The following STEAP1B variants were observed in gnomAD, a reference collection of about 807,000 sequenced individuals.
The protein encoded by STEAP1B is STEAP family member 1B.
STEAP1B carries 13 observed loss-of-function variants against 27.9 expected under a neutral mutation model. That is an observed-to-expected ratio of 0.47 (90% CI 0.30 to 0.74). The LOEUF is 0.74. STEAP1B is among the 30% of genes least tolerant of loss of function. STEAP1B has a pLI of 0.06. For missense variants in STEAP1B, 250 were observed against 298.7 expected, an observed-to-expected ratio of 0.84 and a Z score of 1.20; for synonymous variants, 86 against 107.1, an observed-to-expected ratio of 0.80 and a Z score of 1.22.
chr7:22,434,819 T>A (rs952608374), intron 4 of STEAP1B, among the ~76,000 whole-genome samples: 2 of 152,222 alleles, frequency 1.3e-5, no homozygotes, highest in Admixed American at 6.5e-5. Context: ...CAAGGAATAA[T>A]AAATAGTCAA....
chr7:22,421,893 G>A (rs547363516), intron 4 of STEAP1B, among the ~76,000 whole-genome samples: 1 of 152,264 alleles, frequency 6.6e-6, no homozygotes, highest in Admixed American at 6.5e-5. Flanking sequence ...ACCCCACTTT[G>A]TTACTAGAAC....
intron 4 of STEAP1B, among the ~76,000 whole-genome samples, chr7:22,451,891 T>C (rs1490006759): frequency 6.6e-6 from 1 of 152,236 alleles, no homozygotes; most frequent in African/African-American, 2.4e-5. Context: ...ATCAGAGTAA[T>C]ACTGGCCTCT....
chr7:22,423,407 G>A (rs989460825), intron 4 of STEAP1B, among the ~76,000 whole-genome samples: 15 of 152,124 alleles, frequency 9.9e-5, no homozygotes, highest in Non-Finnish European at 1.3e-4. Flanking sequence ...TGGCACATCC[G>A]TCAGTGGACA....
intron 4 of STEAP1B, among the ~76,000 whole-genome samples, chr7:22,452,529 G>C (rs953660203): frequency 1.3e-5 from 2 of 152,084 alleles, no homozygotes; most frequent in Non-Finnish European, 2.9e-5. Context: ...AAGACAAAAA[G>C]GACGGTTTGG....
chr7:22,454,349 GC>G (rs1785536507), intron 4 of STEAP1B, among the ~76,000 whole-genome samples: 1 of 151,968 alleles, frequency 6.6e-6, no homozygotes, highest in Non-Finnish European at 1.5e-5. Flanking sequence ...GCCATTGTTC[GC>G]CGAATAATAG....
At chr7:22,483,272 A>G (rs1285048413) in intron 4 of STEAP1B, among the ~76,000 whole-genome samples, 1 of 152,230 alleles carries the variant, frequency 6.6e-6, no homozygotes, top group African/African-American at 2.4e-5. Context: ...AAAAGAAAAA[A>G]AAAATCGCCA....
intron 4 of STEAP1B, among the ~76,000 whole-genome samples, chr7:22,439,402 C>T (rs939370007): frequency 6.6e-6 from 1 of 152,132 alleles, no homozygotes; most frequent in African/African-American, 2.4e-5. Context: ...AATCCTGATA[C>T]TTCAGATTAT....
intron 4 of STEAP1B, among the ~76,000 whole-genome samples, chr7:22,428,725 C>T (rs1039691204): frequency 4.6e-5 from 7 of 152,070 alleles, no homozygotes; most frequent in Admixed American, 2.6e-4. Context: ...ATCACTTAAA[C>T]TCGGGAGGGG....
intron 4 of STEAP1B, among the ~76,000 whole-genome samples, chr7:22,472,735 C>G (rs1420547590): frequency 2.6e-5 from 4 of 152,142 alleles, no homozygotes; most frequent in African/African-American, 9.7e-5. Context: ...TGCACCTACC[C>G]CTCTCCCAGC....
At chr7:22,476,668 A>C (rs79921061) in intron 4 of STEAP1B, among the ~76,000 whole-genome samples, 13,375 of 152,218 alleles carry the variant, frequency 0.088, 685 homozygotes, top group Non-Finnish European at 0.12. Context: ...ATTCAGGTGC[A>C]TCTGCCATAC....
intron 4 of STEAP1B, among the ~76,000 whole-genome samples, chr7:22,435,515 T>A (rs1382963325): frequency 6.6e-6 from 1 of 152,078 alleles, no homozygotes; most frequent in Non-Finnish European, 1.5e-5. Context: ...ATCAGTAAAT[T>A]TTTTCTGAAC....
chr7:22,420,412 C>A (rs1458790048), intron 4 of STEAP1B, among the ~76,000 whole-genome samples: 1 of 152,190 alleles, frequency 6.6e-6, no homozygotes, highest in African/African-American at 2.4e-5. Flanking sequence ...AATAGTATCC[C>A]ACAGCCTGCT....
intron 4 of STEAP1B, among the ~76,000 whole-genome samples, chr7:22,442,232 G>C (rs1311167514): frequency 1.2e-4 from 19 of 152,218 alleles, no homozygotes; most frequent in Admixed American, 1.2e-3. Flanking sequence ...TCATAGCCCA[G>C]GACTGAAAGG....
chr7:22,430,039 C>T (rs944963847), intron 4 of STEAP1B, among the ~76,000 whole-genome samples: 6 of 152,250 alleles, frequency 3.9e-5, no homozygotes, highest in African/African-American at 1.4e-4. Context: ...GACCCACTAG[C>T]ATCTTCAACA....
chr7:22,439,994 T>C (rs1282589475), intron 4 of STEAP1B, among the ~76,000 whole-genome samples: 3 of 152,196 alleles, frequency 2.0e-5, no homozygotes, highest in Admixed American at 2.0e-4. Flanking sequence ...AAATAACTAC[T>C]TGGCAAATCA....
chr7:22,472,296 T>A (rs143393911), intron 4 of STEAP1B, among the ~76,000 whole-genome samples: 6 of 152,190 alleles, frequency 3.9e-5, no homozygotes, highest in African/African-American at 1.4e-4. Context: ...TACATCCCCA[T>A]GTGCAGCCAC....
At chr7:22,438,827 G>A (rs10485989) in intron 4 of STEAP1B, 92,931 of 1,440,850 alleles carry the variant, frequency 0.064, 4,322 homozygotes, top group East Asian at 0.21. Flanking sequence ...CCTGTGATAA[G>A]TGTATAATGA....
At chr7:22,488,770 C>T (rs1289871142) in intron 4 of STEAP1B, among the ~76,000 whole-genome samples, 2 of 152,168 alleles carry the variant, frequency 1.3e-5, no homozygotes, top group South Asian at 2.1e-4. Flanking sequence ...CAATTGCAGA[C>T]CTGAACCGCA....
chr7:22,453,106 T>C (rs1446234257), intron 4 of STEAP1B, among the ~76,000 whole-genome samples: 1 of 152,230 alleles, frequency 6.6e-6, no homozygotes, highest in East Asian at 1.9e-4. Flanking sequence ...CAGGAAGACA[T>C]TATTTTAAAA....
Sources: gnomAD v4.1 joint callset for allele counts (sites outside exome capture counted in the v4.1 genomes callset) on GRCh38, gnomAD v4.1.1 for gene constraint, MANE v1.5 for transcripts, NCBI Gene and HGNC (gene_info 2026-07-23, HGNC 2026-07-21) for gene names.